The following FRMD4A variants were observed in gnomAD, a reference collection of about 807,000 sequenced individuals.
FRMD4A encodes the protein FERM domain containing 4A.
Under a neutral mutation model 129.1 loss-of-function variants are expected in FRMD4A, and 29 were observed. The ratio of observed to expected loss-of-function variants is 0.22; its 90% CI spans 0.17 to 0.31. The LOEUF is 0.31. Among genes scored for constraint, FRMD4A ranks in the 10% least tolerant of loss-of-function variants. The pLI is 1.00. For synonymous variants in FRMD4A, 634 were observed against 571.6 expected (o/e 1.11, Z -1.56); for missense variants, 1,272 against 1,375.8 (o/e 0.92, Z 1.19).
Position 14,034,528 on chromosome 10 carries a change from T to C in FRMD4A, c.46-175616A>G, listed in dbSNP as rs17154486. On this transcript the variant is annotated intron_variant, in intron 2 of 24. Transcript: ENST00000357447. ...ATACAGTGTCCATCCCTGAGAAAAATGAAGCTTCCACAAGACAACAGATAA... is the reference window on the plus strand; with the variant it reads ...ATACAGTGTCCATCCCTGAGAAAAACGAAGCTTCCACAAGACAACAGATAA... 8.5e-3 allele frequency among the ~76,000 whole-genome samples: 1,286 copies of C among 152,032 alleles called. 61 individuals carry two copies. In the East Asian group the frequency reaches 0.12, roughly 14 times the overall value.
chr10:13,941,801 C>G (rs765401918), intron 2 of FRMD4A, among the ~76,000 whole-genome samples: 6 of 152,180 alleles, frequency 3.9e-5, no homozygotes, highest in Non-Finnish European at 8.8e-5. Context: ...ACATGGATCT[C>G]TGAATTTTGC....
At chr10:13,650,462 G>A (rs1372643910) in intron 24 of FRMD4A, among the ~76,000 whole-genome samples, 1 of 152,192 alleles carries the variant, frequency 6.6e-6, no homozygotes, top group Non-Finnish European at 1.5e-5. Context: ...TTCAAGCAGT[G>A]CCTACATTCC....
chr10:14,210,185 G>A (rs1842897007), intron 2 of FRMD4A, among the ~76,000 whole-genome samples: 1 of 152,126 alleles, frequency 6.6e-6, no homozygotes, highest in South Asian at 2.1e-4. Flanking sequence ...CAAAGTGATG[G>A]TATTAGGAGA....
intron 17 of FRMD4A, among the ~76,000 whole-genome samples, chr10:13,669,060 T>A (rs1018324102): frequency 2.7e-4 from 13 of 48,758 alleles, no homozygotes; most frequent in African/African-American, 5.5e-4. Context: ...AGCTTTAGTT[T>A]TTTTTTTTTT....
chr10:13,693,508 G>A, intron 15 of FRMD4A: 1 of 1,172,506 alleles, frequency 8.5e-7, no homozygotes. Context: ...GTGTCTCCTG[G>A]CACCAGATCC....
chr10:13,734,380 G>A (rs78693312), intron 12 of FRMD4A, among the ~76,000 whole-genome samples: 8,653 of 152,086 alleles, frequency 0.057, 327 homozygotes, highest in African/African-American at 0.12. Flanking sequence ...CAAATAGACC[G>A]CGGCTAACAC....
At chr10:13,722,457 G>T (rs1392229747) in intron 12 of FRMD4A, among the ~76,000 whole-genome samples, 2 of 150,980 alleles carry the variant, frequency 1.3e-5, no homozygotes, top group Non-Finnish European at 2.9e-5. Flanking sequence ...TGTTGTCCAG[G>T]ATGGTCTTGA....
intron 2 of FRMD4A, among the ~76,000 whole-genome samples, chr10:14,078,224 G>A (rs977742541): frequency 6.6e-6 from 1 of 152,168 alleles, no homozygotes. Flanking sequence ...AGCCATGATT[G>A]CAACATTCTC....
intron 2 of FRMD4A, among the ~76,000 whole-genome samples, chr10:13,952,334 CA>C (rs1444111186): frequency 1.3e-5 from 2 of 151,688 alleles, no homozygotes; most frequent in Non-Finnish European, 2.9e-5. Context: ...CCTATCTCTA[CA>C]AAAAAATTTT....
intron 2 of FRMD4A, among the ~76,000 whole-genome samples, chr10:13,889,258 T>C (rs1205199258): frequency 6.6e-6 from 1 of 152,202 alleles, no homozygotes; most frequent in South Asian, 2.1e-4. Flanking sequence ...CAATCTCACT[T>C]TTTGCATCCA....
At chr10:14,207,495 A>G (rs564773801) in intron 2 of FRMD4A, among the ~76,000 whole-genome samples, 30 of 152,320 alleles carry the variant, frequency 2.0e-4, no homozygotes, top group Admixed American at 1.8e-3. Context: ...ATAGTACAAT[A>G]TAACCCTGTG....
intron 15 of FRMD4A, among the ~76,000 whole-genome samples, chr10:13,681,558 G>GTATGTATA (rs1253514598): frequency 6.6e-6 from 1 of 151,834 alleles, no homozygotes; most frequent in Admixed American, 6.6e-5. Flanking sequence ...ATATATATAT[G>GTATGTATA]TATGTATATA....
intron 2 of FRMD4A, among the ~76,000 whole-genome samples, chr10:14,082,054 T>G (rs1835959036): frequency 6.6e-6 from 1 of 152,282 alleles, no homozygotes; most frequent in Admixed American, 6.5e-5. Context: ...GAGACCATTC[T>G]GGCTAACATG....
intron 2 of FRMD4A, among the ~76,000 whole-genome samples, chr10:14,059,275 G>C (rs933679438): frequency 2.0e-5 from 3 of 152,212 alleles, no homozygotes; most frequent in African/African-American, 4.8e-5. Flanking sequence ...GTACAGGCTA[G>C]AGGTAGGATG....
intron 2 of FRMD4A, among the ~76,000 whole-genome samples, chr10:13,991,004 A>G (rs2095601287): frequency 6.6e-6 from 1 of 152,204 alleles, no homozygotes; most frequent in Non-Finnish European, 1.5e-5. Flanking sequence ...TCCGAGGTGC[A>G]TTCGGAGCCA....
intron 2 of FRMD4A, among the ~76,000 whole-genome samples, chr10:13,863,503 T>C (rs1034273171): frequency 1.3e-5 from 2 of 152,160 alleles, no homozygotes; most frequent in Non-Finnish European, 2.9e-5. Context: ...GGCACTAGAA[T>C]TGCTTGAACC....
Position 13,819,699 on chromosome 10 carries a change from CTT to C in FRMD4A, c.112-8793_112-8792del, listed in dbSNP as rs769973791. On this transcript the variant is annotated intron_variant, in intron 3 of 24. Transcript: ENST00000357447. ...GCTCTAAGTGCCATTATATTGTCTC[CTT>C]TTTTTTTTTTTTTTTTCTGAGATGG... is the stretch of plus-strand genomic sequence containing the variant. 1.9e-3 allele frequency among the ~76,000 whole-genome samples: 249 copies of C among 131,816 alleles called. 1 individual carries two copies. The highest frequency in any genetic ancestry group is 2.7e-3 in the Admixed American group (34 of 12,510). 86.5% of individuals were successfully genotyped at this position (131,816 alleles called of 152,430 possible). A position where few individuals can be genotyped will look rare whatever the true frequency, so the allele number is the denominator to read the frequency against.
In FRMD4A at chr10:13,967,163, T is replaced by C. The variant is rs573408172; in HGVS notation, c.46-108251A>G. Among the ~76,000 whole-genome samples, 39 of 152,262 alleles carry C rather than the reference T, an allele frequency of 2.6e-4. 2 individuals are homozygous for C. The highest frequency in any genetic ancestry group is 1.5e-3 in the East Asian group (8 of 5,180). On this transcript the variant is annotated intron_variant, in intron 2 of 24. Coordinates refer to ENST00000357447, the MANE Select transcript of FRMD4A (RefSeq NM_018027.5). ...CATCCTGGCTAACACGGTGAAACCC[T>C]GTCTCTACTAAAAATACAAAAAAAT...
At chr10:14,285,122 T>C (rs1845642126) in intron 2 of FRMD4A, among the ~76,000 whole-genome samples, 1 of 152,240 alleles carries the variant, frequency 6.6e-6, no homozygotes, top group African/African-American at 2.4e-5. Flanking sequence ...TGTGTAAGTA[T>C]TGCAAAGTCC....
Sources: allele counts gnomAD v4.1 joint callset (sites outside exome capture counted in the v4.1 genomes callset), GRCh38; gene constraint gnomAD v4.1.1; transcripts MANE v1.5; gene names NCBI Gene and HGNC (gene_info 2026-07-23, HGNC 2026-07-21).